The following ITGB4 variants were observed in gnomAD, a reference collection of about 807,000 sequenced individuals.
The protein encoded by ITGB4 is integrin beta-4.
In ITGB4, 159 loss-of-function variants were observed where a neutral mutation model predicts 207.6. That is an observed-to-expected ratio of 0.77 (90% CI 0.67 to 0.87). The LOEUF (loss-of-function observed/expected upper bound fraction) is 0.87, where lower values mean the gene tolerates loss of function less well. Among genes scored for constraint, ITGB4 ranks in the 40% least tolerant of loss-of-function variants. The probability of loss-of-function intolerance (pLI) is 0.00; values close to 1 mark genes in which losing one functional copy is unlikely to be tolerated. For missense variants in ITGB4, 2,278 were observed against 2,546.8 expected (o/e 0.89, Z 2.27); for synonymous variants, 1,020 against 1,062.7 (o/e 0.96, Z 0.78).
intron 26 of ITGB4, 108 bp from the exon 27 acceptor site, chr17:75,748,733 A>G: frequency 1.3e-6 from 1 of 785,030 alleles, no homozygotes; most frequent in Non-Finnish European, 2.1e-6. Flanking sequence ...CCACCCAGCA[A>G]GCAGGGATGG....
In ITGB4 at chr17:75,727,861, G is replaced by T; in HGVS notation, c.469+6G>T. On this transcript the variant is annotated splice_donor_region_variant and intron_variant, in intron 5 of 39. Coordinates refer to ENST00000200181, the MANE Select transcript of ITGB4 (RefSeq NM_000213.5). This position sits in a 1 kb window ranked among gnomAD's most constrained non-coding sequence, Gnocchi z 6.0. ...GAAGATGGGGCAGAACCTGGGTACGGCAGGGCCAGAGTGGAGGACAGCAGG... is the reference window on the plus strand; with the variant it reads ...GAAGATGGGGCAGAACCTGGGTACGTCAGGGCCAGAGTGGAGGACAGCAGG... 1 of 1,613,336 alleles carries T rather than the reference G, an allele frequency of 6.2e-7. No homozygotes were observed.
chr17:75,743,906 G>A lies in ITGB4; in HGVS notation c.3111+45G>A, dbSNP rs773588674. The A allele has an allele frequency of 4.5e-6, 7 of 1,539,044 alleles. No individual in the cohort carries two copies. In the Admixed American group the frequency reaches 5.9e-5, roughly 13 times the overall value. Reference sequence around the variant, plus strand: ...TCGAGGGTGCAGCCCGGGGGGCTGCGTGGGCACCGCATTGGGTTCCCAAGA... The same window carrying A: ...TCGAGGGTGCAGCCCGGGGGGCTGCATGGGCACCGCATTGGGTTCCCAAGA... On this transcript the variant is annotated intron_variant, in intron 26 of 39. Coordinates refer to ENST00000200181, the MANE Select transcript of ITGB4 (RefSeq NM_000213.5).
In ITGB4 at chr17:75,740,872, G is replaced by A. The variant is rs751830531; in HGVS notation, c.2609+21G>A. 2.5e-6 allele frequency: 4 copies of A among 1,613,598 alleles called. No individual in the cohort carries two copies. The highest frequency in any genetic ancestry group is 3.4e-6 in the Non-Finnish European group (4 of 1,179,990). On this transcript the variant is annotated intron_variant, in intron 22 of 39. Coordinates refer to ENST00000200181, the MANE Select transcript of ITGB4 (RefSeq NM_000213.5). This position sits in a 1 kb window ranked among gnomAD's most constrained non-coding sequence, Gnocchi z 5.9. ...TTCCGGTGAGTCCCGGGGTGCCCGG[G>A]TTGGGTGGGGGAGCCGCTCCTACCG...
At chr17:75,738,965 G>A (rs1477424857) in intron 18 of ITGB4, among the ~76,000 whole-genome samples, 1 of 149,654 alleles carries the variant, frequency 6.7e-6, no homozygotes. Flanking sequence ...GACAGAGTGA[G>A]ACTCAAAAAG....
In ITGB4 at chr17:75,750,939, C is replaced by G. The variant is rs75207762; in HGVS notation, c.3656-35C>G. ...TGCCCAGACCTCCCTCCCTCTGCCA[C>G]TGACAGCACTCTTCCTGTATTCCCC... On this transcript the variant is annotated intron_variant, in intron 29 of 39. Transcript: ENST00000200181. This position sits in a 1 kb window ranked among gnomAD's most constrained non-coding sequence, Gnocchi z 5.5. The G allele has an allele frequency of 1.6e-3, 2,581 of 1,613,534 alleles. 40 individuals are homozygous for G. The African/African-American group carries it at 0.03, about 19-fold the overall frequency.
rs779614948 is a variant in ITGB4, at chr17:75,740,371, GTCCT to G, written c.2462_2465del (p.Ser821CysfsTer12). 6.2e-7 allele frequency: 1 copy of G among 1,613,428 alleles called. No individual in the cohort carries two copies. The highest frequency in any genetic ancestry group is 1.3e-5 in the African/African-American group (1 of 74,930). On this transcript the variant is annotated frameshift_variant, in exon 21 of 40. Transcript: ENST00000200181. LOFTEE classifies it high-confidence loss of function. The surrounding 1 kb of genome is among the most constrained non-coding windows in gnomAD (Gnocchi z 5.9). ...GCCTTTCCTTAGTGCCCTACGGGCT[GTCCT>G]TGCGCCTGGCCCGCCTTTGCACCGA...
chr17:75,742,703 C>G lies in ITGB4; in HGVS notation c.2904C>G (p.Pro968=). The G allele has an allele frequency of 6.2e-7, 1 of 1,613,698 alleles. No homozygotes were observed. Among genetic ancestry groups the G allele is most frequent in the Non-Finnish European group, 8.5e-7 (1 of 1,180,020 alleles). The change falls in exon 25 of 40, where the codon CCC becomes CCG. Residue 968 remains proline, a synonymous_variant. Coordinates refer to ENST00000200181, the MANE Select transcript of ITGB4 (RefSeq NM_000213.5). The surrounding 1 kb of genome is among the most constrained non-coding windows in gnomAD (Gnocchi z 5.9). ...KQLLVEAIDV[P]AGTATLGRRL... ...TGCTGGTGGAGGCCATCGACGTGCCCGCAGGCACTGCCACCCTCGGCCGCC... is the reference window on the plus strand; with the variant it reads ...TGCTGGTGGAGGCCATCGACGTGCCGGCAGGCACTGCCACCCTCGGCCGCC...
chr17:75,742,312 G>A lies in ITGB4; in HGVS notation c.2634-29G>A, dbSNP rs770018972. Reference sequence around the variant, plus strand: ...CAGCAGGTGCCAGCCTGACCCCTCCGCTGCCTGAACCTTCCACCCTCGACC... The same window carrying A: ...CAGCAGGTGCCAGCCTGACCCCTCCACTGCCTGAACCTTCCACCCTCGACC... On this transcript the variant is annotated intron_variant, in intron 23 of 39. Transcript: ENST00000200181. This position sits in a 1 kb window ranked among gnomAD's most constrained non-coding sequence, Gnocchi z 5.9. The A allele has an allele frequency of 6.0e-5, 96 of 1,612,846 alleles. No individual in the cohort carries two copies. The highest frequency in any genetic ancestry group is 7.5e-5 in the Non-Finnish European group (89 of 1,179,960).
chr17:75,752,695 C>T, intron 32 of ITGB4, 118 bp downstream of exon 32: 1 of 1,333,936 alleles, frequency 7.5e-7, no homozygotes, highest in Admixed American at 1.9e-5. Flanking sequence ...GTTAAGGCAG[C>T]CTTGGACAAA....
In ITGB4 at chr17:75,743,711, A is replaced by G; in HGVS notation, c.2963-2A>G. The G allele has an allele frequency of 5.6e-6, 9 of 1,613,494 alleles. No homozygotes were observed. Among genetic ancestry groups the G allele is most frequent in the Non-Finnish European group, 7.6e-6 (9 of 1,180,000 alleles). On this transcript the variant is annotated splice_acceptor_variant, in intron 25 of 39. Transcript: ENST00000200181. LOFTEE classifies it high-confidence loss of function. The stretch of plus-strand genomic sequence containing the variant: ...TCTGACAAATGCCCGGGCTCCTTGC[A>G]GCCAGAGACGTGGTGTCCTTTGAGC...
At chr17:75,743,883 G>T in intron 26 of ITGB4, 22 bp downstream of exon 26, 1 of 1,561,998 alleles carries the variant, frequency 6.4e-7, no homozygotes, top group Non-Finnish European at 8.7e-7. Flanking sequence ...CCACAGGGTC[G>T]AGGGTGCAGC....
chr17:75,734,105 G>GT (rs1477045929), intron 13 of ITGB4, among the ~76,000 whole-genome samples: 1 of 141,148 alleles, frequency 7.1e-6, no homozygotes, highest in Non-Finnish European at 1.5e-5. Context: ...ATTTCTGTGG[G>GT]TTTTTTGTTG....
rs1340600612 is a variant in ITGB4 at position 75,757,508 on chromosome 17, A to C, written c.5422A>C (p.Ser1808Arg). The C allele has an allele frequency of 1.9e-6, 3 of 1,613,138 alleles. No individual in the cohort carries two copies. The highest frequency in any genetic ancestry group is 1.3e-5 in the African/African-American group (1 of 74,880). The change falls in exon 40 of 40, where the codon AGC becomes CGC. Residue 1808 changes from serine to arginine, a missense_variant. Ser to Arg is a moderately radical substitution (Grantham distance 110). Coordinates refer to ENST00000200181, the MANE Select transcript of ITGB4 (RefSeq NM_000213.5). ...GTTTGTGAGCCGGACACTGACCACC[A>C]GCGGAACCCTTAGCACCCACATGGA... ...QEFVSRTLTT[S>R]GTLSTHMDQQ...
rs1382326688 is a variant in ITGB4, at chr17:75,743,772, G to A, written c.3022G>A (p.Ala1008Thr). ...EFSVSRGDQV[A>T]RIPVIRRVLD... The stretch of plus-strand genomic sequence containing the variant: ...CTCGGTCAGCCGCGGGGACCAGGTG[G>A]CCCGCATCCCTGTCATCCGGCGTGT... Residue 1008 changes from alanine to threonine, a missense_variant, in exon 26 of 40, where the codon GCC becomes ACC. Physicochemically the swap from Ala to Thr is moderately conservative, Grantham distance 58. Coordinates refer to ENST00000200181, the MANE Select transcript of ITGB4 (RefSeq NM_000213.5). 6.2e-7 allele frequency: 1 copy of A among 1,613,354 alleles called. No homozygotes were observed. Among genetic ancestry groups the A allele is most frequent in the Non-Finnish European group, 8.5e-7 (1 of 1,179,990 alleles).
At chr17:75,755,649 A>G in intron 34 of ITGB4, 52 bp from the exon 35 acceptor site, 1 of 1,608,786 alleles carries the variant, frequency 6.2e-7, no homozygotes, top group Non-Finnish European at 8.5e-7. Context: ...TGTGACTCCC[A>G]CTGAGACCCT....
chr17:75,753,046 T>A (rs760379808), intron 32 of ITGB4, among the ~76,000 whole-genome samples: 2 of 152,248 alleles, frequency 1.3e-5, no homozygotes. Flanking sequence ...GAGTGCTCAG[T>A]GTCAGCTGTG....
At chr17:75,726,726 G>A (rs994912252) in intron 2 of ITGB4, among the ~76,000 whole-genome samples, 11 of 145,194 alleles carry the variant, frequency 7.6e-5, no homozygotes, top group African/African-American at 2.6e-4. Context: ...AGCAAGACTC[G>A]TCTGAAAAAT....
intron 35 of ITGB4, 102 bp from the exon 36 acceptor site, chr17:75,756,327 T>C: frequency 3.1e-6 from 4 of 1,285,794 alleles, no homozygotes; most frequent in Non-Finnish European, 3.3e-6. Flanking sequence ...TAGTCCTGGG[T>C]GGGTGATAAC....
chr17:75,722,799 G>C lies in ITGB4; in HGVS notation c.-11+1187G>C, dbSNP rs1225887609. ...TGTGTGTGTGTGTGTGTGTCCCTGT[G>C]GGGGGGAAACTGCCTGTGCTGCAGT... On this transcript the variant is annotated intron_variant, in intron 1 of 39. Coordinates refer to ENST00000200181, the MANE Select transcript of ITGB4 (RefSeq NM_000213.5). This position sits in a 1 kb window ranked among gnomAD's most constrained non-coding sequence, Gnocchi z 6.2. Among the ~76,000 whole-genome samples, 1 of 129,584 alleles carries C rather than the reference G, an allele frequency of 7.7e-6. No individual in the cohort carries two copies. The highest frequency in any genetic ancestry group is 8.0e-5 in the Admixed American group (1 of 12,574). The allele number at this position is 129,584 out of a possible 152,430, so 85.0% of individuals were successfully genotyped here. A position where few individuals can be genotyped will look rare whatever the true frequency, so the allele number is the denominator to read the frequency against.
Sources: allele counts gnomAD v4.1 joint callset (sites outside exome capture counted in the v4.1 genomes callset), GRCh38; gene constraint gnomAD v4.1.1; non-coding constraint Gnocchi (gnomAD v3.1); transcripts MANE v1.5; gene names NCBI Gene and HGNC (gene_info 2026-07-23, HGNC 2026-07-21).